Variants in CNTNAP3B observed in about 807,000 individuals in gnomAD.
The protein encoded by CNTNAP3B is contactin-associated protein-like 3B.
A neutral mutation model predicts 108.9 loss-of-function variants in CNTNAP3B; 25 were observed. The ratio of observed to expected loss-of-function variants is 0.23; its 90% CI spans 0.17 to 0.32. The LOEUF (loss-of-function observed/expected upper bound fraction) is 0.32. Among genes scored for constraint, CNTNAP3B ranks in the 10% least tolerant of loss-of-function variants. The probability of loss-of-function intolerance (pLI) is 1.00; values close to 1 mark genes in which losing one functional copy is unlikely to be tolerated. For missense variants in CNTNAP3B, 252 were observed against 1,210.4 expected, an observed-to-expected ratio of 0.21 and a Z score of 11.75; for synonymous variants, 103 against 473.4, an observed-to-expected ratio of 0.22 and a Z score of 10.16.
At position 42,051,943 on chromosome 9, in the gene CNTNAP3B, C is replaced by T. The variant is rs567644983; in HGVS notation, c.390+24926G>A. On this transcript the variant is annotated intron_variant, in intron 3 of 23. Coordinates refer to ENST00000377561, the MANE Select transcript of CNTNAP3B (RefSeq NM_001201380.3). ...GCTCCCTTGGGAACTCTTTCAACTG[C>T]GTAATTTTTTCTCTCTCTTGTAAAA... Among the ~76,000 whole-genome samples the T allele has an allele frequency of 1.4e-3, 209 of 151,920 alleles. No individual in the cohort carries two copies. The East Asian group carries it at 0.017, about 12-fold the overall frequency.
rs1008218226 is a variant in CNTNAP3B at position 42,084,453 on chromosome 9, G to A, written c.197-7391C>T. Among the ~76,000 whole-genome samples, 9 of 88,582 alleles carry A rather than the reference G, an allele frequency of 1.0e-4. No individual in the cohort carries two copies. In the East Asian group the frequency reaches 1.8e-3, roughly 18 times the overall value. The allele number at this position is 88,582 out of a possible 152,430, so 58.1% of individuals were successfully genotyped here. A position where few individuals can be genotyped will look rare whatever the true frequency, so the allele number is the denominator to read the frequency against. On this transcript the variant is annotated intron_variant, in intron 2 of 23. Coordinates refer to ENST00000377561, the MANE Select transcript of CNTNAP3B (RefSeq NM_001201380.3). ...CTTTCTTCAGGGAGTGATTAAACAC[G>A]TGTATTTGTCTTTCTTATTAAATGA...
chr9:42,018,002 AT>A (rs1826243755), intron 3 of CNTNAP3B, among the ~76,000 whole-genome samples: 1 of 101,340 alleles, frequency 9.9e-6, no homozygotes, highest in Admixed American at 1.1e-4. Context: ...CACTTTGTTA[AT>A]TATAAGTGTT....
Position 41,962,128 on chromosome 9 carries a change from T to C in CNTNAP3B, c.1757-1236A>G, listed in dbSNP as rs1468596650. Among the ~76,000 whole-genome samples, 133 of 152,162 alleles carry C rather than the reference T, an allele frequency of 8.7e-4. No homozygotes were observed. In the East Asian group the frequency reaches 0.023, roughly 26 times the overall value. ...TAATGTATAGTATATATTAATTGAA[T>C]ACAATTGATTTTAATTGTATAATTA... On this transcript the variant is annotated intron_variant, in intron 11 of 23. Coordinates refer to ENST00000377561, the MANE Select transcript of CNTNAP3B (RefSeq NM_001201380.3).
chr9:41,968,842 G>A (rs1290097141), intron 10 of CNTNAP3B, among the ~76,000 whole-genome samples: 1 of 149,910 alleles, frequency 6.7e-6, no homozygotes, highest in African/African-American at 2.5e-5. Context: ...CTGTTGCCCA[G>A]TCTGGAGTGC....
chr9:42,080,789 T>C (rs1430926458), intron 2 of CNTNAP3B, among the ~76,000 whole-genome samples: 1 of 99,724 alleles, frequency 1.0e-5, no homozygotes, highest in Non-Finnish European at 2.0e-5. Context: ...AACTAAATTA[T>C]TATTCAAATG....
chr9:41,923,692 G>T (rs1275296673), intron 16 of CNTNAP3B, among the ~76,000 whole-genome samples: 2 of 152,302 alleles, frequency 1.3e-5, no homozygotes, highest in Non-Finnish European at 2.9e-5. Flanking sequence ...AACCCAGGAG[G>T]CTGAGGTTGC....
chr9:42,054,761 C>A (rs144713637), intron 3 of CNTNAP3B, among the ~76,000 whole-genome samples: 56 of 151,582 alleles, frequency 3.7e-4, no homozygotes, highest in African/African-American at 1.2e-3. Context: ...CGGGTTACAT[C>A]CACTAATAAA....
intron 13 of CNTNAP3B, among the ~76,000 whole-genome samples, chr9:41,945,008 T>A (rs1288450583): frequency 6.6e-6 from 1 of 151,672 alleles, no homozygotes; most frequent in African/African-American, 2.4e-5. Flanking sequence ...AACAGACACA[T>A]GAAAAAATGC....
chr9:41,982,063 C>CAAAA (rs541712479), intron 9 of CNTNAP3B, among the ~76,000 whole-genome samples: 5 of 42,412 alleles, frequency 1.2e-4, no homozygotes, highest in African/African-American at 1.4e-4. Context: ...TCTAAAGTCT[C>CAAAA]AAAAAAAAAA....
At position 41,919,143 on chromosome 9, in the gene CNTNAP3B, T is replaced by C. The variant is rs1440476018; in HGVS notation, c.2995+927A>G. On this transcript the variant is annotated intron_variant, in intron 18 of 23. Transcript: ENST00000377561. The stretch of plus-strand genomic sequence containing the variant: ...TCAGTCCCTTTTTCCTTTTCTTTTT[T>C]TTTTTCCCCAAGACGGAGTCTCACT... Among the ~76,000 whole-genome samples, 1,013 of 150,598 alleles carry C rather than the reference T, an allele frequency of 6.7e-3. 8 individuals are homozygous for C. Among genetic ancestry groups the C allele is most frequent in the African/African-American group, 0.024 (960 of 39,978 alleles).
rs559184677 is a variant in CNTNAP3B, at chr9:42,120,416, A to G, written c.85+8594T>C. On this transcript the variant is annotated intron_variant, in intron 1 of 23. Transcript: ENST00000377561. Reference sequence around the variant, plus strand: ...CAACCATTGTGGAAGTCAGTGTGGCAATTCCTCAGGGATCTAGAACTAGAA... The same window carrying G: ...CAACCATTGTGGAAGTCAGTGTGGCGATTCCTCAGGGATCTAGAACTAGAA... Among the ~76,000 whole-genome samples, 308 of 136,548 alleles carry G rather than the reference A, an allele frequency of 2.3e-3. 13 individuals are homozygous for G. Among genetic ancestry groups the G allele is most frequent in the Middle Eastern group, 0.014 (4 of 276 alleles). 89.6% of individuals were successfully genotyped at this position (136,548 alleles called of 152,430 possible).
intron 10 of CNTNAP3B, among the ~76,000 whole-genome samples, chr9:41,965,688 C>G (rs1458861344): frequency 6.6e-6 from 1 of 152,014 alleles, no homozygotes; most frequent in Non-Finnish European, 1.5e-5. Context: ...CGGGGAGCAC[C>G]CAAGTGCCCC....
chr9:41,933,344 C>T (rs1270605188), intron 14 of CNTNAP3B, among the ~76,000 whole-genome samples: 1,777 of 151,744 alleles, frequency 0.012, 2 homozygotes, highest in African/African-American at 0.039. Flanking sequence ...TCAGACAATG[C>T]CAAATGTCCC....
At chr9:42,108,315 G>A (rs1410491845) in intron 1 of CNTNAP3B, among the ~76,000 whole-genome samples, 2 of 134,570 alleles carry the variant, frequency 1.5e-5, no homozygotes, top group African/African-American at 6.0e-5. Flanking sequence ...TAAAGGCAGA[G>A]ATTCATTGCT....
chr9:42,021,767 C>T (rs1323882048), intron 3 of CNTNAP3B, among the ~76,000 whole-genome samples: 1 of 128,664 alleles, frequency 7.8e-6, no homozygotes, highest in Non-Finnish European at 1.6e-5. Context: ...GCAGCAACAA[C>T]ATGAGGCACA....
intron 3 of CNTNAP3B, among the ~76,000 whole-genome samples, chr9:42,038,399 GAC>G (rs1826678130): frequency 2.1e-5 from 2 of 96,332 alleles, no homozygotes; most frequent in South Asian, 6.9e-4. Flanking sequence ...CACCTGCAGA[GAC>G]ACACATAGGC....
At chr9:42,070,722 C>T (rs1156594372) in intron 3 of CNTNAP3B, among the ~76,000 whole-genome samples, 3 of 152,288 alleles carry the variant, frequency 2.0e-5, no homozygotes, top group Non-Finnish European at 2.9e-5. Flanking sequence ...GGGCTCAGTG[C>T]TGATCGGCAG....
At chr9:42,107,800 C>T (rs1828111596) in intron 1 of CNTNAP3B, among the ~76,000 whole-genome samples, 1 of 133,408 alleles carries the variant, frequency 7.5e-6, no homozygotes, top group African/African-American at 3.0e-5. Context: ...ACGGTGAAAC[C>T]CCGTCTCTAC....
rs1325376396 is a variant in CNTNAP3B at position 42,109,500 on chromosome 9, G to T, written c.86-4761C>A. On this transcript the variant is annotated intron_variant, in intron 1 of 23. Coordinates refer to ENST00000377561, the MANE Select transcript of CNTNAP3B (RefSeq NM_001201380.3). ...ACAGATTTTGTCCGTATCTGCAGAG[G>T]AAATGGGAAAAGCCAAAAGGAGGGG... Among the ~76,000 whole-genome samples the T allele has an allele frequency of 6.1e-4, 91 of 148,236 alleles. 1 individual carries two copies. The highest frequency in any genetic ancestry group is 1.5e-4 in the Non-Finnish European group (10 of 67,402).
Sources: gnomAD v4.1 joint callset for allele counts (sites outside exome capture counted in the v4.1 genomes callset) on GRCh38, gnomAD v4.1.1 for gene constraint, MANE v1.5 for transcripts, NCBI Gene and HGNC (gene_info 2026-07-23, HGNC 2026-07-21) for gene names.